TADA2A: variants seen among roughly 807,000 people sequenced by gnomAD.
The protein encoded by TADA2A is transcriptional adaptor 2A.
In TADA2A, 38 loss-of-function variants were observed where a neutral mutation model predicts 67.4. The ratio of observed to expected loss-of-function variants is 0.56; its 90% CI spans 0.44 to 0.74. The LOEUF (loss-of-function observed/expected upper bound fraction) is 0.74. Ranked by LOEUF, TADA2A falls within the 30% of genes least tolerant of loss-of-function variation. TADA2A has a pLI of 0.00. For missense variants in TADA2A, 454 were observed against 547.0 expected (o/e 0.83, Z 1.70); for synonymous variants, 192 against 181.6 (o/e 1.06, Z -0.46).
chr17:37,408,991 A>G (rs999949387), intron 1 of TADA2A, among the ~76,000 whole-genome samples: 7 of 152,360 alleles, frequency 4.6e-5, no homozygotes, highest in Admixed American at 3.9e-4. Flanking sequence ...ATTAACATTT[A>G]TTAGTCCACT....
chr17:37,431,914 A>G (rs2052579540), intron 4 of TADA2A, among the ~76,000 whole-genome samples: 1 of 152,284 alleles, frequency 6.6e-6, no homozygotes, highest in Non-Finnish European at 1.5e-5. Context: ...CCTAGACAGT[A>G]TATCATTTCA....
intron 9 of TADA2A, among the ~76,000 whole-genome samples, chr17:37,461,379 A>T (rs1449416583): frequency 6.6e-6 from 1 of 152,166 alleles, no homozygotes; most frequent in Admixed American, 6.5e-5. Flanking sequence ...GCATGTCTGG[A>T]GTTAGCTTCC....
intron 10 of TADA2A, among the ~76,000 whole-genome samples, chr17:37,463,718 C>T (rs1454162496): frequency 6.6e-6 from 1 of 151,696 alleles, no homozygotes; most frequent in Non-Finnish European, 1.5e-5. Context: ...TGGCTCAGCT[C>T]ACTGCAGTCT....
intron 4 of TADA2A, among the ~76,000 whole-genome samples, chr17:37,428,346 G>A (rs570027559): frequency 6.6e-6 from 1 of 152,256 alleles, no homozygotes; most frequent in Non-Finnish European, 1.5e-5. Context: ...GGTTCTTTCA[G>A]GTTGTTGGCA....
chr17:37,408,743 T>G (rs1371033019), intron 1 of TADA2A: 1 of 152,178 alleles, frequency 6.6e-6, no homozygotes, highest in East Asian at 1.9e-4. Context: ...ATTTGGCAGT[T>G]ATTTGATTGC....
intron 11 of TADA2A, among the ~76,000 whole-genome samples, chr17:37,466,651 C>T (rs2053670384): frequency 1.3e-5 from 2 of 152,110 alleles, no homozygotes; most frequent in South Asian, 4.1e-4. Flanking sequence ...GTTTGGTTAG[C>T]ATTCTTTGTG....
At chr17:37,456,037 C>G (rs1433180542) in intron 8 of TADA2A, among the ~76,000 whole-genome samples, 3 of 152,084 alleles carry the variant, frequency 2.0e-5, no homozygotes, top group Non-Finnish European at 4.4e-5. Context: ...AACCCTGTCT[C>G]TACTAAAAAT....
At chr17:37,473,783 C>G (rs2053840651) in intron 14 of TADA2A, among the ~76,000 whole-genome samples, 1 of 152,146 alleles carries the variant, frequency 6.6e-6, no homozygotes, top group Admixed American at 6.5e-5. Flanking sequence ...CTCATTGTTC[C>G]TGTTTGTGGA....
chr17:37,441,474 A>C (rs1382099296), intron 6 of TADA2A, among the ~76,000 whole-genome samples: 1 of 152,112 alleles, frequency 6.6e-6, no homozygotes, highest in African/African-American at 2.4e-5. Context: ...TTTTAATCTC[A>C]TGTGCGTGTG....
intron 6 of TADA2A, among the ~76,000 whole-genome samples, chr17:37,442,034 C>T (rs2052933595): frequency 6.6e-6 from 1 of 152,076 alleles, no homozygotes; most frequent in Non-Finnish European, 1.5e-5. Flanking sequence ...CCATTTGTTT[C>T]CTAACAGCAA....
chr17:37,417,424 A>G (rs2052085799), intron 2 of TADA2A, among the ~76,000 whole-genome samples: 1 of 151,688 alleles, frequency 6.6e-6, no homozygotes, highest in Non-Finnish European at 1.5e-5. Flanking sequence ...GTAGTCCCAG[A>G]TACTAGGGAG....
chr17:37,461,802 C>T, intron 9 of TADA2A: 1 of 284,392 alleles, frequency 3.5e-6, no homozygotes, highest in Non-Finnish European at 6.6e-6. Flanking sequence ...ATGTGTTTTT[C>T]AGCATTTGTG....
chr17:37,462,656 A>G (rs1258362466), intron 10 of TADA2A, among the ~76,000 whole-genome samples: 1 of 152,118 alleles, frequency 6.6e-6, no homozygotes, highest in African/African-American at 2.4e-5. Context: ...AAATAAGCAA[A>G]TAAATAAATG....
chr17:37,458,614 C>G, intron 9 of TADA2A, 27 bp downstream of exon 9: 3 of 1,589,458 alleles, frequency 1.9e-6, no homozygotes, highest in Non-Finnish European at 2.6e-6. Flanking sequence ...ATCCTGGCCT[C>G]CTTTCAGCTT....
At chr17:37,409,691 C>G (rs1489820346) in intron 1 of TADA2A, among the ~76,000 whole-genome samples, 1 of 150,806 alleles carries the variant, frequency 6.6e-6, no homozygotes, top group South Asian at 2.1e-4. Context: ...CGCTTGAACC[C>G]GGGAGGCGGA....
Position 37,413,155 on chromosome 17 carries a change from G to C in TADA2A, c.25+1765G>C, listed in dbSNP as rs542346336. ...TTGGTCAGGCTGGTCTTGAACTCCT[G>C]ACCTCAGGTGATCCACCAGCCTTGG... On this transcript the variant is annotated intron_variant, in intron 2 of 15. Coordinates refer to ENST00000615182, the MANE Select transcript of TADA2A (RefSeq NM_001166105.3). Among the ~76,000 whole-genome samples, 20 of 152,252 alleles carry C rather than the reference G, an allele frequency of 1.3e-4. No individual in the cohort carries two copies. The East Asian group carries it at 3.9e-3, about 29-fold the overall frequency.
At chr17:37,423,748 C>CT in intron 3 of TADA2A, 133 bp downstream of exon 3, 1 of 635,884 alleles carries the variant, frequency 1.6e-6, no homozygotes, top group Non-Finnish European at 2.4e-6. Context: ...TTTTCTTTTT[C>CT]TTTCTTTTTT....
intron 12 of TADA2A, among the ~76,000 whole-genome samples, chr17:37,468,266 T>C (rs1385072984): frequency 2.0e-5 from 3 of 152,186 alleles, no homozygotes; most frequent in African/African-American, 7.2e-5. Flanking sequence ...ATATTTACCA[T>C]GTACCAGTCT....
In TADA2A at chr17:37,437,723, C is replaced by T. The variant is rs767403880; in HGVS notation, c.193-15C>T. On this transcript the variant is annotated splice_polypyrimidine_tract_variant and intron_variant, in intron 4 of 15. Coordinates refer to ENST00000615182, the MANE Select transcript of TADA2A (RefSeq NM_001166105.3). ...TTTGTATCTCTGTTCTTAAGCAAAA[C>T]TTTTTTCTCCTTAGACTTCAGATTT... is the stretch of plus-strand genomic sequence containing the variant. The T allele has an allele frequency of 3.7e-6, 6 of 1,613,146 alleles. No individual in the cohort carries two copies. In the Admixed American group the frequency reaches 5.0e-5, roughly 13 times the overall value.
Sources: gnomAD v4.1 joint callset for allele counts (sites outside exome capture counted in the v4.1 genomes callset) on GRCh38, gnomAD v4.1.1 for gene constraint, MANE v1.5 for transcripts, NCBI Gene and HGNC (gene_info 2026-07-23, HGNC 2026-07-21) for gene names.